The following DHX9 variants were observed in gnomAD, a reference collection of about 807,000 sequenced individuals.
DHX9 encodes the protein DExH-box helicase 9, also known as ATP-dependent RNA helicase A.
Under a neutral mutation model 148.7 loss-of-function variants are expected in DHX9, and 27 were observed. The observed-to-expected ratio is 0.18, with a 90% CI of 0.13 to 0.25. The LOEUF (loss-of-function observed/expected upper bound fraction) is 0.25, where lower values mean the gene tolerates loss of function less well. DHX9 is among the 10% of genes least tolerant of loss of function. The probability of loss-of-function intolerance (pLI) is 1.00; values close to 1 mark genes in which losing one functional copy is unlikely to be tolerated. For missense variants in DHX9, 796 were observed against 1,559.6 expected, an observed-to-expected ratio of 0.51 and a Z score of 8.25; for synonymous variants, 529 against 516.6, an observed-to-expected ratio of 1.02 and a Z score of -0.33.
intron 14 of DHX9, among the ~76,000 whole-genome samples, chr1:182,867,260 A>G (rs1231653558): frequency 1.3e-5 from 2 of 152,202 alleles, no homozygotes; most frequent in Admixed American, 6.5e-5. Flanking sequence ...GTGAAGACCT[A>G]TGTTGTAAAG....
chr1:182,871,615 TGAAAA>T (rs755572611), intron 14 of DHX9, among the ~76,000 whole-genome samples: 2 of 152,282 alleles, frequency 1.3e-5, no homozygotes, highest in South Asian at 2.1e-4. Context: ...TAGTAAATCT[TGAAAA>T]GAAGCCAGAT....
rs1667949789 is a variant in DHX9 at position 182,842,417 on chromosome 1, A to G, written c.-22-128A>G. ...CGTTCCAATTATGTCGTTAAAATTT[A>G]TGGGGAGTCTTAATAGCAACATGAT... On this transcript the variant is annotated intron_variant, in intron 1 of 27. Coordinates refer to ENST00000367549, the MANE Select transcript of DHX9 (RefSeq NM_001357.5). The G allele has an allele frequency of 1.9e-5, 10 of 538,034 alleles. No individual in the cohort carries two copies. In the East Asian group the frequency reaches 2.1e-4, roughly 11 times the overall value. 33.3% of individuals were successfully genotyped at this position (538,034 alleles called of 1,614,324 possible). A position where few individuals can be genotyped will look rare whatever the true frequency, so the allele number is the denominator to read the frequency against.
intron 11 of DHX9, among the ~76,000 whole-genome samples, chr1:182,859,552 C>A (rs981234842): frequency 1.3e-5 from 2 of 152,048 alleles, no homozygotes; most frequent in African/African-American, 4.8e-5. Flanking sequence ...TTGAAAAAAA[C>A]ATTTTCATCA....
At chr1:182,853,636 TGG>T (rs765136613) in intron 5 of DHX9, among the ~76,000 whole-genome samples, 1 of 152,210 alleles carries the variant, frequency 6.6e-6, no homozygotes, top group East Asian at 1.9e-4. Flanking sequence ...ATTTTTTTCT[TGG>T]TAGTAATAAA....
Position 182,879,365 on chromosome 1 carries a change from C to A in DHX9, c.2467C>A (p.Pro823Thr). The A allele has an allele frequency of 6.5e-7, 1 of 1,528,874 alleles. No homozygotes were observed. Among genetic ancestry groups the A allele is most frequent in the South Asian group, 1.3e-5 (1 of 79,790 alleles). The allele number at this position is 1,528,874 out of a possible 1,614,324, so 94.7% of individuals were successfully genotyped here. A position where few individuals can be genotyped will look rare whatever the true frequency, so the allele number is the denominator to read the frequency against. ...CCAATTTCTGGCCAAAGCAATTGAA[C>A]CTCCCCCTTTGGATGCTGTGATTGA... ...IGQFLAKAIE[P>T]PPLDAVIEAE... Residue 823 changes from proline (P) to threonine (T), a missense_variant, in exon 21 of 28, where the codon CCT becomes ACT. Physicochemically the swap from Pro to Thr is conservative, Grantham distance 38. This residue lies in a region of DHX9 where 122 missense variants were observed against 289.3 expected (regional missense o/e 0.42). Transcript: ENST00000367549.
chr1:182,850,672 A>G (rs575679211), intron 3 of DHX9, among the ~76,000 whole-genome samples: 3 of 152,158 alleles, frequency 2.0e-5, no homozygotes, highest in African/African-American at 7.2e-5. Flanking sequence ...AGCATTGCCA[A>G]TGTTGCTAAA....
chr1:182,876,333 T>C (rs542734335), intron 17 of DHX9, 70 bp downstream of exon 17: 17 of 1,576,298 alleles, frequency 1.1e-5, no homozygotes, highest in African/African-American at 5.4e-5. Flanking sequence ...TTAGCCAGTA[T>C]GTGAAAACAA....
At position 182,876,912 on chromosome 1, in the gene DHX9, C is replaced by T. The variant is rs772874970; in HGVS notation, c.2198+9C>T. 42 of 1,602,896 alleles carry T rather than the reference C, an allele frequency of 2.6e-5. No homozygotes were observed. Among genetic ancestry groups the T allele is most frequent in the Non-Finnish European group, 3.5e-5 (41 of 1,171,222 alleles). On this transcript the variant is annotated intron_variant, in intron 19 of 27. Transcript: ENST00000367549. ...GTCATTGACTCCTGCAAGTAAGTTA[C>T]TGGGAAACCTATTTGTCTGCTCCAG...
At chr1:182,882,151 G>A (rs1649112719) in intron 24 of DHX9, among the ~76,000 whole-genome samples, 1 of 152,212 alleles carries the variant, frequency 6.6e-6, no homozygotes, top group South Asian at 2.1e-4. Flanking sequence ...AAACAAAGTA[G>A]TGAGTGGTTC....
Position 182,859,114 on chromosome 1 carries a change from A to C in DHX9, c.1137A>C (p.Gln379His). Reference sequence around the variant, plus strand: ...AGTTGGAACAGGATCATGATTTGCAAGCAGTAAGTCTGAATTATTTAGACA... The same window carrying C: ...AGTTGGAACAGGATCATGATTTGCACGCAGTAAGTCTGAATTATTTAGACA... Reference protein sequence around the residue: ...MYQLEQDHDLQAILQERELLP... With the variant: ...MYQLEQDHDLHAILQERELLP... Residue 379 changes from glutamine (Q) to histidine (H), a missense_variant, in exon 11 of 28, where the codon CAA becomes CAC. Around this residue, in one of 14 missense-constraint regions of DHX9, gnomAD observed 42 missense variants for 27.1 expected, o/e 1.55. Transcript: ENST00000367549. 6.2e-7 allele frequency: 1 copy of C among 1,613,760 alleles called. No homozygotes were observed. The highest frequency in any genetic ancestry group is 1.1e-5 in the South Asian group (1 of 91,038).
intron 3 of DHX9, among the ~76,000 whole-genome samples, chr1:182,846,738 A>G (rs1455172343): frequency 6.6e-6 from 1 of 152,144 alleles, no homozygotes; most frequent in East Asian, 1.9e-4. Flanking sequence ...AACTTGTTCA[A>G]GGTTTGCTGA....
chr1:182,887,720 A>G lies in DHX9; in HGVS notation c.*286A>G. The G allele has an allele frequency of 3.0e-6, 1 of 335,776 alleles. No individual in the cohort carries two copies. Among genetic ancestry groups the G allele is most frequent in the South Asian group, 4.5e-5 (1 of 22,140 alleles). The allele number at this position is 335,776 out of a possible 1,614,324, so 20.8% of individuals were successfully genotyped here. A position where few individuals can be genotyped will look rare whatever the true frequency, so the allele number is the denominator to read the frequency against. ...TTGGTATTTTCCTGGCTTTCGTTTA[A>G]TACAATAGAAAATAAAGTATTACAC... On this transcript the variant is annotated 3_prime_UTR_variant, in exon 28 of 28. Coordinates refer to ENST00000367549, the MANE Select transcript of DHX9 (RefSeq NM_001357.5).
At chr1:182,879,803 G>A (rs1315493854) in intron 21 of DHX9, among the ~76,000 whole-genome samples, 1 of 152,022 alleles carries the variant, frequency 6.6e-6, no homozygotes, top group Non-Finnish European at 1.5e-5. Flanking sequence ...TCAGCTCACT[G>A]CAACCCCCAC....
chr1:182,863,459 C>A (rs1034371962), intron 12 of DHX9, among the ~76,000 whole-genome samples: 2 of 152,074 alleles, frequency 1.3e-5, no homozygotes, highest in African/African-American at 4.8e-5. Flanking sequence ...GTTCTTGGTT[C>A]TTATTTATAT....
chr1:182,851,755 GTAC>G (rs1161645598), intron 3 of DHX9, among the ~76,000 whole-genome samples: 3 of 152,122 alleles, frequency 2.0e-5, no homozygotes, highest in South Asian at 4.1e-4. Context: ...TTAATACGTA[GTAC>G]TAATGATCTT....
At chr1:182,865,343 TTAAA>T (rs1342860197) in intron 12 of DHX9, among the ~76,000 whole-genome samples, 1 of 152,208 alleles carries the variant, frequency 6.6e-6, no homozygotes, top group African/African-American at 2.4e-5. Context: ...TTCTCACTAA[TTAAA>T]TCTCTGGATG....
chr1:182,850,192 A>G (rs570598453), intron 3 of DHX9, among the ~76,000 whole-genome samples: 1 of 152,006 alleles, frequency 6.6e-6, no homozygotes, highest in Non-Finnish European at 1.5e-5. Flanking sequence ...TACTACTCCA[A>G]GCTTGGGTAT....
rs937732205 is a variant in DHX9, at chr1:182,858,171, C to T, written c.741C>T (p.Val247=). 9.3e-6 allele frequency: 15 copies of T among 1,614,118 alleles called. No homozygotes were observed. Among genetic ancestry groups the T allele is most frequent in the Non-Finnish European group, 1.3e-5 (15 of 1,179,996 alleles). Residue 247 remains valine, a synonymous_variant, in exon 8 of 28, where the codon GTC becomes GTT. Coordinates refer to ENST00000367549, the MANE Select transcript of DHX9 (RefSeq NM_001357.5). ...LAAQSCALSL[V]RQLYHLGVVE... is the part of the protein sequence containing the mutation. ...CACAGTCCTGTGCCCTGTCACTTGT[C>T]AGACAACTGTACCATCTTGGAGTGG... is the stretch of plus-strand genomic sequence containing the variant.
chr1:182,849,982 A>AACCCCC (rs1668103951), intron 3 of DHX9, among the ~76,000 whole-genome samples: 1 of 123,946 alleles, frequency 8.1e-6, no homozygotes, highest in African/African-American at 3.4e-5. Context: ...GTACACACGT[A>AACCCCC]CCCCCCCCCC....
Sources: gnomAD v4.1 joint callset for allele counts (sites outside exome capture counted in the v4.1 genomes callset) on GRCh38, gnomAD v4.1.1 for gene constraint, gnomAD v4.1.1 regional missense constraint, MANE v1.5 for transcripts, NCBI Gene and HGNC (gene_info 2026-07-23, HGNC 2026-07-21) for gene names.